The following LDLRAD3 variants were observed in gnomAD, a reference collection of about 807,000 sequenced individuals.
The protein encoded by LDLRAD3 is low-density lipoprotein receptor class A domain-containing protein 3.
In LDLRAD3, 20 loss-of-function variants were observed where a neutral mutation model predicts 29.4. That is an observed-to-expected ratio of 0.68 (90% CI 0.48 to 0.99). The LOEUF (loss-of-function observed/expected upper bound fraction) is 0.99. Ranked by LOEUF, LDLRAD3 falls within the 50% of genes least tolerant of loss-of-function variation. The probability of loss-of-function intolerance (pLI) is 0.00; values close to 1 mark genes in which losing one functional copy is unlikely to be tolerated. For missense variants in LDLRAD3, 420 were observed against 454.3 expected (o/e 0.92, Z 0.69); for synonymous variants, 157 against 192.7 (o/e 0.81, Z 1.53).
chr11:36,116,676 T>TAAAAAATA (rs555035520), intron 4 of LDLRAD3, among the ~76,000 whole-genome samples: 1,882 of 151,198 alleles, frequency 0.012, 20 homozygotes, highest in Non-Finnish European at 0.019. Flanking sequence ...ACTAAAAAAA[T>TAAAAAATA]AAAAAATAAA....
intron 4 of LDLRAD3, among the ~76,000 whole-genome samples, chr11:36,140,595 A>AT (rs1400987245): frequency 6.6e-6 from 1 of 152,006 alleles, no homozygotes; most frequent in Non-Finnish European, 1.5e-5. Context: ...TGCCCAGCTA[A>AT]TTTTTTGTAG....
intron 4 of LDLRAD3, among the ~76,000 whole-genome samples, chr11:36,150,319 G>A (rs969904923): frequency 6.6e-6 from 1 of 152,166 alleles, no homozygotes; most frequent in Non-Finnish European, 1.5e-5. Flanking sequence ...CTTGGGGCCA[G>A]GAGTTTGAGA....
chr11:35,987,256 A>G (rs1851626670), intron 1 of LDLRAD3, among the ~76,000 whole-genome samples: 1 of 152,198 alleles, frequency 6.6e-6, no homozygotes, highest in Admixed American at 6.5e-5. Context: ...TTTAAAGAAT[A>G]ATTTCAACTT....
intron 1 of LDLRAD3, among the ~76,000 whole-genome samples, chr11:36,014,828 G>C (rs1852000278): frequency 3.3e-5 from 5 of 152,230 alleles, no homozygotes; most frequent in Admixed American, 3.3e-4. Flanking sequence ...TGTATAGCTT[G>C]CTATAAACTT....
chr11:35,966,581 G>A (rs935130227), intron 1 of LDLRAD3, among the ~76,000 whole-genome samples: 6 of 152,160 alleles, frequency 3.9e-5, no homozygotes, highest in South Asian at 2.1e-4. Flanking sequence ...CAGTCAGAAC[G>A]TGGCCACAAG....
intron 4 of LDLRAD3, among the ~76,000 whole-genome samples, chr11:36,176,959 G>A (rs944696390): frequency 1.3e-5 from 2 of 151,916 alleles, no homozygotes; most frequent in East Asian, 1.9e-4. Context: ...TTACTCTTAG[G>A]TTTGGTGGTT....
At position 36,016,600 on chromosome 11, in the gene LDLRAD3, ATGG is replaced by A. The variant is rs562974341; in HGVS notation, c.47-19500_47-19498del. On this transcript the variant is annotated intron_variant, in intron 1 of 5. Coordinates refer to ENST00000315571, the MANE Select transcript of LDLRAD3 (RefSeq NM_174902.4). ...CGTAAGTTCTCCAGGCATATTTACT[ATGG>A]TGACACTTTAAGCAATTGGTTCTGA... Among the ~76,000 whole-genome samples the A allele has an allele frequency of 3.9e-3, 592 of 152,310 alleles. 5 individuals carry two copies. The highest frequency in any genetic ancestry group is 0.014 in the African/African-American group (567 of 41,560).
intron 4 of LDLRAD3, among the ~76,000 whole-genome samples, chr11:36,222,834 C>T (rs1475227364): frequency 6.6e-6 from 1 of 152,162 alleles, no homozygotes; most frequent in African/African-American, 2.4e-5. Context: ...CAGCCTGCTT[C>T]TCCACAGGCA....
intron 3 of LDLRAD3, among the ~76,000 whole-genome samples, chr11:36,088,413 TC>T (rs1211849006): frequency 6.6e-6 from 1 of 152,112 alleles, no homozygotes; most frequent in East Asian, 1.9e-4. Context: ...AAGCTGAAGA[TC>T]TTCTGCTACA....
At chr11:35,947,640 A>G (rs1851074764) in intron 1 of LDLRAD3, among the ~76,000 whole-genome samples, 1 of 152,202 alleles carries the variant, frequency 6.6e-6, no homozygotes. Context: ...ACATGATCCC[A>G]TTGAAACTTG....
chr11:36,084,731 A>G (rs957556357), intron 3 of LDLRAD3, among the ~76,000 whole-genome samples: 5 of 152,124 alleles, frequency 3.3e-5, no homozygotes, highest in African/African-American at 1.2e-4. Context: ...ACTGCTTAAA[A>G]CCATTAGGTA....
At chr11:36,146,723 C>G (rs1854199476) in intron 4 of LDLRAD3, among the ~76,000 whole-genome samples, 1 of 149,478 alleles carries the variant, frequency 6.7e-6, no homozygotes, top group Admixed American at 6.7e-5. Context: ...ACCTGGCATT[C>G]TCCCCGGAGT....
At chr11:36,031,361 A>G (rs553320442) in intron 1 of LDLRAD3, among the ~76,000 whole-genome samples, 5 of 152,306 alleles carry the variant, frequency 3.3e-5, no homozygotes, top group Non-Finnish European at 4.4e-5. Context: ...GTAGTAATTT[A>G]CTTGTACAAA....
At chr11:36,196,695 T>C (rs1178671657) in intron 4 of LDLRAD3, 1 of 152,246 alleles carries the variant, frequency 6.6e-6, no homozygotes, top group Non-Finnish European at 1.5e-5. Flanking sequence ...ATCCGTTAAA[T>C]ATTTCTAGCT....
At chr11:36,163,292 C>T (rs1016171271) in intron 4 of LDLRAD3, 2 of 152,262 alleles carry the variant, frequency 1.3e-5, no homozygotes, top group African/African-American at 4.8e-5. Context: ...AGAGTCTATT[C>T]CCTTCCAGCA....
At chr11:36,107,210 T>C (rs1216432720) in intron 4 of LDLRAD3, among the ~76,000 whole-genome samples, 1 of 152,074 alleles carries the variant, frequency 6.6e-6, no homozygotes, top group Non-Finnish European at 1.5e-5. Context: ...TTTTCTTTTT[T>C]TTTTTTTGAG....
At chr11:36,027,054 G>A (rs1852176134) in intron 1 of LDLRAD3, among the ~76,000 whole-genome samples, 1 of 152,142 alleles carries the variant, frequency 6.6e-6, no homozygotes, top group Admixed American at 6.5e-5. Context: ...TGGAGTTTGG[G>A]TCGGGACCCT....
intron 1 of LDLRAD3, among the ~76,000 whole-genome samples, chr11:35,997,881 C>T (rs560809307): frequency 2.0e-4 from 31 of 152,312 alleles, no homozygotes; most frequent in African/African-American, 6.3e-4. Context: ...TCAGGTCTGT[C>T]GGACTCTGGC....
intron 4 of LDLRAD3, among the ~76,000 whole-genome samples, chr11:36,114,773 G>C (rs188752755): frequency 1.5e-3 from 230 of 152,214 alleles, no homozygotes; most frequent in African/African-American, 5.3e-3. Flanking sequence ...TGACTCCATG[G>C]TGCGTCTCTC....
Sources: gnomAD v4.1 joint callset for allele counts (sites outside exome capture counted in the v4.1 genomes callset) on GRCh38, gnomAD v4.1.1 for gene constraint, MANE v1.5 for transcripts, NCBI Gene and HGNC (gene_info 2026-07-23, HGNC 2026-07-21) for gene names.